CTIF: variants seen among roughly 807,000 people sequenced by gnomAD.
CTIF encodes CBP80/20-dependent translation initiation factor.
CTIF carries 21 observed loss-of-function variants against 66.0 expected under a neutral mutation model. That is an observed-to-expected ratio of 0.32 (90% confidence interval 0.23 to 0.46). The LOEUF (loss-of-function observed/expected upper bound fraction) is 0.46, where lower values mean the gene tolerates loss of function less well. CTIF is among the 20% of genes least tolerant of loss of function. The probability of loss-of-function intolerance (pLI) is 1.00; values close to 1 mark genes in which losing one functional copy is unlikely to be tolerated. For missense variants in CTIF, 739 were observed against 812.7 expected, an observed-to-expected ratio of 0.91 and a Z score of 1.10; for synonymous variants, 345 against 326.4, an observed-to-expected ratio of 1.06 and a Z score of -0.62.
At chr18:48,853,757 G>C (rs757391210) in intron 10 of CTIF, among the ~76,000 whole-genome samples, 1 of 152,238 alleles carries the variant, frequency 6.6e-6, no homozygotes, top group South Asian at 2.1e-4. Context: ...AGCTCCTGTG[G>C]TGAATGCTGT....
chr18:48,758,269 C>G lies in CTIF; in HGVS notation c.935C>G (p.Pro312Arg), dbSNP rs761657690. Residue 312 changes from proline (P) to arginine (R), a missense_variant, in exon 8 of 12, where the codon CCC becomes CGC. Pro to Arg is a moderately radical substitution (Grantham distance 103). Coordinates refer to ENST00000256413, the MANE Select transcript of CTIF (RefSeq NM_014772.3). Reference protein sequence around the residue: ...TLAPVASERLPPQQSGGPEVE... With the variant: ...TLAPVASERLRPQQSGGPEVE... ...GCCCCGGTGGCTTCTGAGCGGCTGC[C>G]CCCACAGCAGTCAGGGGGGCCAGAG... 1.9e-6 allele frequency: 3 copies of G among 1,613,344 alleles called. No homozygotes were observed. Among genetic ancestry groups the G allele is most frequent in the East Asian group, 2.2e-5 (1 of 44,866 alleles).
rs2089952314 is a variant in CTIF at position 48,594,373 on chromosome 18, C to T, written c.-28-25165C>T. 2.2e-5 allele frequency among the ~76,000 whole-genome samples: 3 copies of T among 138,294 alleles called. No individual in the cohort carries two copies. The Admixed American group carries it at 2.2e-4, about 10-fold the overall frequency. 90.7% of individuals were successfully genotyped at this position (138,294 alleles called of 152,430 possible). On this transcript the variant is annotated intron_variant, in intron 1 of 11. Transcript: ENST00000256413. Reference sequence around the variant, plus strand: ...GGGCCTCGAAAATTATATAGCCAGTCCTGCTTGCTCCAGGCCCCACAGTTG... The same window carrying T: ...GGGCCTCGAAAATTATATAGCCAGTTCTGCTTGCTCCAGGCCCCACAGTTG...
chr18:48,571,468 T>A (rs1179127896), intron 1 of CTIF, among the ~76,000 whole-genome samples: 2 of 152,354 alleles, frequency 1.3e-5, no homozygotes, highest in South Asian at 2.1e-4. Context: ...GTAGCACTTT[T>A]AAAAATATTT....
At chr18:48,694,392 G>A (rs569209278) in intron 6 of CTIF, among the ~76,000 whole-genome samples, 3 of 152,340 alleles carry the variant, frequency 2.0e-5, no homozygotes, top group Non-Finnish European at 4.4e-5. Context: ...AGGAACCCTG[G>A]CAGTGGAGGA....
At chr18:48,619,871 C>A in intron 2 of CTIF, 126 bp downstream of exon 2, 1 of 920,202 alleles carries the variant, frequency 1.1e-6, no homozygotes, top group Non-Finnish European at 1.5e-6. Flanking sequence ...TCCCACCCAG[C>A]AGAGCACCCA....
intron 9 of CTIF, among the ~76,000 whole-genome samples, chr18:48,782,787 T>G (rs1189967806): frequency 6.6e-6 from 1 of 152,128 alleles, no homozygotes; most frequent in Non-Finnish European, 1.5e-5. Context: ...CACAGACTCC[T>G]TGGCTCCTGT....
chr18:48,572,949 T>C (rs1311624781), intron 1 of CTIF, among the ~76,000 whole-genome samples: 1 of 152,000 alleles, frequency 6.6e-6, no homozygotes, highest in East Asian at 1.9e-4. Flanking sequence ...GTCATGATCA[T>C]ACCACTGTAC....
At chr18:48,619,438 T>C in intron 1 of CTIF, 100 bp from the exon 2 acceptor site, 3 of 746,614 alleles carry the variant, frequency 4.0e-6, no homozygotes, top group Non-Finnish European at 5.9e-6. Flanking sequence ...CCATGATGGA[T>C]AAGAAGATGC....
chr18:48,800,696 G>GT (rs2068031398), intron 9 of CTIF, among the ~76,000 whole-genome samples: 1 of 152,214 alleles, frequency 6.6e-6, no homozygotes, highest in Admixed American at 6.5e-5. Context: ...TCATCACGGT[G>GT]TTTAGCCGTG....
intron 7 of CTIF, among the ~76,000 whole-genome samples, chr18:48,743,036 A>G (rs1023828948): frequency 5.3e-5 from 8 of 152,222 alleles, no homozygotes; most frequent in African/African-American, 1.9e-4. Flanking sequence ...CCCATAATGG[A>G]CAGTTGGTTA....
intron 9 of CTIF, among the ~76,000 whole-genome samples, chr18:48,771,167 C>T (rs1206131841): frequency 2.0e-5 from 3 of 152,226 alleles, no homozygotes; most frequent in African/African-American, 4.8e-5. Flanking sequence ...ACCTCACCTT[C>T]CTCTGACTCT....
chr18:48,723,048 A>C (rs1318453631), intron 7 of CTIF, among the ~76,000 whole-genome samples: 1 of 152,124 alleles, frequency 6.6e-6, no homozygotes, highest in African/African-American at 2.4e-5. Context: ...TTTATTTCCA[A>C]TTTACAGATG....
intron 6 of CTIF, among the ~76,000 whole-genome samples, chr18:48,676,206 G>A (rs540152125): frequency 1.3e-5 from 2 of 152,154 alleles, no homozygotes; most frequent in South Asian, 2.1e-4. Context: ...GGCCCTCGGC[G>A]CCCTGCGGAA....
At chr18:48,699,133 G>C (rs2092047630) in intron 6 of CTIF, among the ~76,000 whole-genome samples, 1 of 152,066 alleles carries the variant, frequency 6.6e-6, no homozygotes, top group Non-Finnish European at 1.5e-5. Flanking sequence ...AGATACCCCC[G>C]AGCCTCCTGG....
chr18:48,845,427 C>T (rs1047304980), intron 10 of CTIF, among the ~76,000 whole-genome samples: 1 of 152,208 alleles, frequency 6.6e-6, no homozygotes, highest in African/African-American at 2.4e-5. Context: ...TGACCTTGTA[C>T]TTCTTGGAAC....
intron 9 of CTIF, among the ~76,000 whole-genome samples, chr18:48,797,391 G>A (rs371179816): frequency 1.3e-5 from 2 of 151,300 alleles, no homozygotes; most frequent in Non-Finnish European, 2.9e-5. Context: ...GCTGAGGCAC[G>A]AGAATCACTT....
At chr18:48,720,545 G>A (rs1354367374) in intron 7 of CTIF, among the ~76,000 whole-genome samples, 1 of 152,110 alleles carries the variant, frequency 6.6e-6, no homozygotes, top group South Asian at 2.1e-4. Context: ...AATGGGACAG[G>A]CAAACCCCCA....
intron 7 of CTIF, among the ~76,000 whole-genome samples, chr18:48,750,001 C>T (rs548780999): frequency 4.6e-4 from 70 of 152,364 alleles, no homozygotes; most frequent in African/African-American, 1.6e-3. Flanking sequence ...CGTGCTCTTC[C>T]CATGACATCA....
intron 3 of CTIF, among the ~76,000 whole-genome samples, chr18:48,653,817 C>T (rs2091200093): frequency 6.6e-6 from 1 of 152,208 alleles, no homozygotes; most frequent in Non-Finnish European, 1.5e-5. Flanking sequence ...TCAGAAATAA[C>T]ACCACACATC....
Sources: allele counts gnomAD v4.1 joint callset (sites outside exome capture counted in the v4.1 genomes callset), GRCh38; gene constraint gnomAD v4.1.1; transcripts MANE v1.5; gene names NCBI Gene and HGNC (gene_info 2026-07-23, HGNC 2026-07-21).